SRGAP2C: variants seen among roughly 807,000 people sequenced by gnomAD.
The protein encoded by SRGAP2C is SLIT-ROBO Rho GTPase activating protein 2C, also known as SLIT-ROBO Rho GTPase-activating protein 2C.
Under a neutral mutation model 25.1 loss-of-function variants are expected in SRGAP2C, and 15 were observed. The ratio of observed to expected loss-of-function variants is 0.60; its 90% CI spans 0.40 to 0.92. SRGAP2C has a LOEUF of 0.92. SRGAP2C is among the 40% of genes least tolerant of loss of function. The probability of loss-of-function intolerance (pLI) is 0.00; values close to 1 mark genes in which losing one functional copy is unlikely to be tolerated. For missense variants in SRGAP2C, 144 were observed against 264.4 expected (o/e 0.54, Z 3.16); for synonymous variants, 44 against 96.6 (o/e 0.46, Z 3.19).
At chr1:121,358,397 A>AT (rs1217103314) in intron 4 of SRGAP2C, among the ~76,000 whole-genome samples, 5 of 121,952 alleles carry the variant, frequency 4.1e-5, no homozygotes, top group African/African-American at 6.4e-5. Flanking sequence ...TTGCTTTGAG[A>AT]TTTTTTTAGA....
At chr1:121,336,223 T>C (rs2101620717) in intron 4 of SRGAP2C, among the ~76,000 whole-genome samples, 1 of 151,776 alleles carries the variant, frequency 6.6e-6, no homozygotes, top group South Asian at 2.1e-4. Flanking sequence ...ATGAGACTTT[T>C]AGTTTTATCT....
intron 2 of SRGAP2C, among the ~76,000 whole-genome samples, chr1:121,222,735 A>G (rs1486696809): frequency 1.3e-5 from 2 of 152,178 alleles, no homozygotes; most frequent in Non-Finnish European, 2.9e-5. Context: ...CTAGTGGAGG[A>G]CCACCTACCA....
intron 5 of SRGAP2C, among the ~76,000 whole-genome samples, chr1:121,369,695 GT>G (rs1279423237): frequency 2.6e-5 from 3 of 114,222 alleles, no homozygotes; most frequent in Non-Finnish European, 5.3e-5. Context: ...AAGGCGTTTA[GT>G]TTTAATAGGG....
intron 4 of SRGAP2C, among the ~76,000 whole-genome samples, chr1:121,339,369 A>G (rs1241835194): frequency 6.6e-6 from 1 of 150,516 alleles, no homozygotes; most frequent in African/African-American, 2.5e-5. Context: ...CTCGTGCCTC[A>G]GCCTCCCTAG....
intron 4 of SRGAP2C, among the ~76,000 whole-genome samples, chr1:121,359,531 G>T (rs1553348135): frequency 6.6e-6 from 1 of 152,158 alleles, no homozygotes; most frequent in African/African-American, 2.4e-5. Context: ...TACTTGGGAA[G>T]CTGAGGCAGG....
intron 2 of SRGAP2C, among the ~76,000 whole-genome samples, chr1:121,268,150 C>T (rs1362388536): frequency 2.0e-5 from 3 of 149,370 alleles, no homozygotes; most frequent in African/African-American, 7.4e-5. Context: ...TTACAAGTGG[C>T]ATGAAGAAAA....
chr1:121,237,794 G>T (rs588650), intron 2 of SRGAP2C, among the ~76,000 whole-genome samples: 1 of 122,280 alleles, frequency 8.2e-6, no homozygotes. Context: ...TCACATACCC[G>T]TCAGACTAAA....
rs1656533026 is a variant in SRGAP2C, at chr1:121,258,474, T to C, written c.68-26329T>C. Among the ~76,000 whole-genome samples, 3 of 145,672 alleles carry C rather than the reference T, an allele frequency of 2.1e-5. No homozygotes were observed. In the South Asian group the frequency reaches 6.3e-4, roughly 31 times the overall value. On this transcript the variant is annotated intron_variant, in intron 2 of 9. Coordinates refer to ENST00000367123, the MANE Select transcript of SRGAP2C (RefSeq NM_001329984.2). ...ATGGTCATCTATCACTCTTTTTTTT[T>C]TTTTTTTTGAGACGGAGTTTTGCTC...
chr1:121,295,706 A>G (rs1220097544), intron 3 of SRGAP2C, among the ~76,000 whole-genome samples: 1 of 152,030 alleles, frequency 6.6e-6, no homozygotes, highest in Admixed American at 6.5e-5. Context: ...TGGTATCTTT[A>G]AAAGAAATAG....
intron 5 of SRGAP2C, among the ~76,000 whole-genome samples, chr1:121,371,043 T>A (rs1659473670): frequency 1.3e-5 from 2 of 152,092 alleles, no homozygotes; most frequent in Non-Finnish European, 2.9e-5. Context: ...CAGTGTTTAG[T>A]TTTTCAAAGT....
chr1:121,258,018 A>G (rs1283660527), intron 2 of SRGAP2C, among the ~76,000 whole-genome samples: 1 of 151,372 alleles, frequency 6.6e-6, no homozygotes, highest in African/African-American at 2.4e-5. Context: ...TGGAGTGAAG[A>G]AAATTGCCTG....
At chr1:121,295,942 G>T (rs1657590160) in intron 3 of SRGAP2C, among the ~76,000 whole-genome samples, 1 of 152,130 alleles carries the variant, frequency 6.6e-6, no homozygotes, top group South Asian at 2.1e-4. Context: ...TGTATTTTTA[G>T]TAGAGACAGG....
intron 3 of SRGAP2C, among the ~76,000 whole-genome samples, chr1:121,321,707 T>A (rs1361077515): frequency 4.0e-5 from 6 of 151,156 alleles, no homozygotes; most frequent in Non-Finnish European, 5.9e-5. Flanking sequence ...CCTTACAAGT[T>A]CTCAATAAAA....
At chr1:121,308,461 G>C (rs1657898761) in intron 3 of SRGAP2C, among the ~76,000 whole-genome samples, 2 of 151,264 alleles carry the variant, frequency 1.3e-5, no homozygotes, top group African/African-American at 4.8e-5. Context: ...CAGAGAATCA[G>C]ATGATAAATT....
At chr1:121,367,746 ATAG>A (rs1558130631) in intron 5 of SRGAP2C, among the ~76,000 whole-genome samples, 2 of 131,540 alleles carry the variant, frequency 1.5e-5, no homozygotes, top group African/African-American at 5.9e-5. Flanking sequence ...ATATTAGGCT[ATAG>A]CTAAGGATCA....
chr1:121,291,162 AG>A (rs1657484028), intron 3 of SRGAP2C, among the ~76,000 whole-genome samples: 2 of 128,818 alleles, frequency 1.6e-5, no homozygotes, highest in Non-Finnish European at 3.4e-5. Context: ...TATATTCAGA[AG>A]GTATTCAAGA....
intron 2 of SRGAP2C, among the ~76,000 whole-genome samples, chr1:121,271,287 G>A (rs1168542156): frequency 1.3e-3 from 191 of 147,604 alleles, no homozygotes; most frequent in Non-Finnish European, 1.9e-3. Context: ...TAAGGAAGAC[G>A]AAACTAAGAG....
intron 3 of SRGAP2C, among the ~76,000 whole-genome samples, chr1:121,315,627 A>G (rs1368989599): frequency 1.3e-5 from 2 of 149,390 alleles, no homozygotes; most frequent in African/African-American, 2.5e-5. Context: ...ACACAAGCCA[A>G]TGGACATACA....
intron 2 of SRGAP2C, among the ~76,000 whole-genome samples, chr1:121,270,830 T>A (rs1362605138): frequency 1.3e-5 from 2 of 149,740 alleles, no homozygotes; most frequent in African/African-American, 4.9e-5. Flanking sequence ...TCTCGCTCTG[T>A]CGCCCAGGCT....
Sources: allele counts gnomAD v4.1 joint callset (sites outside exome capture counted in the v4.1 genomes callset), GRCh38; gene constraint gnomAD v4.1.1; transcripts MANE v1.5; gene names NCBI Gene and HGNC (gene_info 2026-07-23, HGNC 2026-07-21).